VAV3: variants seen among roughly 807,000 people sequenced by gnomAD.
The protein encoded by VAV3 is vav guanine nucleotide exchange factor 3, also known as guanine nucleotide exchange factor VAV3.
VAV3 carries 94 observed loss-of-function variants against 131.2 expected under a neutral mutation model. That is an observed-to-expected ratio of 0.72 (90% confidence interval 0.61 to 0.85). VAV3 has a LOEUF of 0.85. Ranked by LOEUF, VAV3 falls within the 40% of genes least tolerant of loss-of-function variation. The pLI is 0.00. For missense variants in VAV3, 939 were observed against 1,002.7 expected, an observed-to-expected ratio of 0.94 and a Z score of 0.86; for synonymous variants, 349 against 342.0, an observed-to-expected ratio of 1.02 and a Z score of -0.22.
chr1:107,912,561 C>A (rs1207821229), intron 1 of VAV3, among the ~76,000 whole-genome samples: 1 of 152,198 alleles, frequency 6.6e-6, no homozygotes, highest in African/African-American at 2.4e-5. Flanking sequence ...AGCCTGAGAT[C>A]CGATTTCCCA....
chr1:107,760,755 C>CT, intron 10 of VAV3, 29 bp downstream of exon 10: 1 of 1,528,492 alleles, frequency 6.5e-7, no homozygotes, highest in Non-Finnish European at 9.0e-7. Context: ...AATAAATGGA[C>CT]AATAAATAAA....
Position 107,664,734 on chromosome 1 carries a change from T to C in VAV3, c.1777+18754A>G, listed in dbSNP as rs138853204. 1.9e-4 allele frequency among the ~76,000 whole-genome samples: 29 copies of C among 152,238 alleles called. No individual in the cohort carries two copies. The East Asian group carries it at 5.2e-3, about 27-fold the overall frequency. On this transcript the variant is annotated intron_variant, in intron 19 of 26. Transcript: ENST00000370056. Reference sequence around the variant, plus strand: ...AAAAAATACTATAGCAATGTTGTCATGGGAGAGGGACCCACAATGCACACC... The same window carrying C: ...AAAAAATACTATAGCAATGTTGTCACGGGAGAGGGACCCACAATGCACACC...
At chr1:107,876,462 G>T (rs564564919) in intron 1 of VAV3, among the ~76,000 whole-genome samples, 2 of 152,224 alleles carry the variant, frequency 1.3e-5, no homozygotes, top group African/African-American at 4.8e-5. Flanking sequence ...TGTTTTGATG[G>T]GAATAACCTG....
intron 15 of VAV3, among the ~76,000 whole-genome samples, chr1:107,727,296 A>G (rs1208764155): frequency 3.3e-5 from 5 of 152,198 alleles, no homozygotes; most frequent in Non-Finnish European, 7.3e-5. Flanking sequence ...CTCCACTAAA[A>G]TGTCTTTTCC....
At chr1:107,707,471 C>T (rs1189849544) in intron 15 of VAV3, among the ~76,000 whole-genome samples, 2 of 152,142 alleles carry the variant, frequency 1.3e-5, no homozygotes, top group Admixed American at 6.6e-5. Context: ...GGTGTTCAAT[C>T]AATGTTGGCT....
At position 107,657,622 on chromosome 1, in the gene VAV3, A is replaced by G. The variant is rs192232956; in HGVS notation, c.1778-14867T>C. ...ACTTTGGACGTATTACTTCTGATCT[A>G]GCATGACACTACCACAGAGGTCAAC... On this transcript the variant is annotated intron_variant, in intron 19 of 26. Coordinates refer to ENST00000370056, the MANE Select transcript of VAV3 (RefSeq NM_006113.5). 6.0e-4 allele frequency among the ~76,000 whole-genome samples: 92 copies of G among 152,336 alleles called. 3 individuals are homozygous for G. Among genetic ancestry groups the G allele is most frequent in the Admixed American group, 3.9e-3 (59 of 15,300 alleles).
At chr1:107,600,990 G>A (rs1053380088) in intron 24 of VAV3, among the ~76,000 whole-genome samples, 1 of 152,190 alleles carries the variant, frequency 6.6e-6, no homozygotes, top group African/African-American at 2.4e-5. Flanking sequence ...ATCCAAGGAA[G>A]TTCTGCAGGT....
At chr1:107,773,885 TG>T (rs1489954002) in intron 4 of VAV3, among the ~76,000 whole-genome samples, 1 of 152,120 alleles carries the variant, frequency 6.6e-6, no homozygotes, top group African/African-American at 2.4e-5. Flanking sequence ...GGATCCTGTT[TG>T]GAAGCAAAAT....
chr1:107,597,701 T>C (rs1651502602), intron 24 of VAV3, among the ~76,000 whole-genome samples: 1 of 152,196 alleles, frequency 6.6e-6, no homozygotes, highest in African/African-American at 2.4e-5. Flanking sequence ...CCACCTTTCA[T>C]AAGCTAAAAG....
At chr1:107,626,813 G>A (rs772599068) in intron 20 of VAV3, among the ~76,000 whole-genome samples, 10 of 152,144 alleles carry the variant, frequency 6.6e-5, no homozygotes, top group Non-Finnish European at 1.0e-4. Flanking sequence ...TGAGTCTTTT[G>A]GTGTCCGGAA....
chr1:107,698,283 C>T (rs568058683), intron 17 of VAV3, among the ~76,000 whole-genome samples: 1 of 152,242 alleles, frequency 6.6e-6, no homozygotes, highest in East Asian at 1.9e-4. Context: ...TTGATATTTT[C>T]CCGGGCGAGC....
chr1:107,682,055 CA>C (rs1658673851), intron 19 of VAV3, among the ~76,000 whole-genome samples: 1 of 151,980 alleles, frequency 6.6e-6, no homozygotes, highest in Admixed American at 6.6e-5. Context: ...AAAAACAAAA[CA>C]AAAAAACTGT....
rs148990927 is a variant in VAV3, at chr1:107,738,097, T to C, written c.1502+10871A>G. On this transcript the variant is annotated intron_variant, in intron 15 of 26. Coordinates refer to ENST00000370056, the MANE Select transcript of VAV3 (RefSeq NM_006113.5). ...TGGAGCCATCATTCTGAGCAAACTA[T>C]TGCAAGGACAGAACACCAAACACCG... is the stretch of plus-strand genomic sequence containing the variant. Among the ~76,000 whole-genome samples, 1,375 of 152,188 alleles carry C rather than the reference T, an allele frequency of 9.0e-3. 25 individuals carry two copies. The highest frequency in any genetic ancestry group is 0.032 in the African/African-American group (1,318 of 41,524).
intron 25 of VAV3, among the ~76,000 whole-genome samples, chr1:107,595,057 T>A (rs188679905): frequency 6.6e-6 from 1 of 152,276 alleles, no homozygotes; most frequent in Admixed American, 6.5e-5. Context: ...CATTTTTGAA[T>A]GAGCAAAAAT....
intron 25 of VAV3, among the ~76,000 whole-genome samples, chr1:107,585,243 T>C (rs1650391969): frequency 6.6e-6 from 1 of 152,202 alleles, no homozygotes; most frequent in Non-Finnish European, 1.5e-5. Flanking sequence ...ACCCTCAAAA[T>C]ATAAATATAG....
chr1:107,839,661 G>A (rs1025077074), intron 2 of VAV3, among the ~76,000 whole-genome samples: 4 of 151,942 alleles, frequency 2.6e-5, no homozygotes, highest in African/African-American at 9.7e-5. Context: ...CAGAATAAAA[G>A]AAATACTAAA....
intron 21 of VAV3, 139 bp downstream of exon 21, chr1:107,617,428 T>C: frequency 2.9e-6 from 2 of 677,968 alleles, no homozygotes; most frequent in South Asian, 6.6e-5. Context: ...TATAATGATG[T>C]TGAAAATAAT....
intron 17 of VAV3, among the ~76,000 whole-genome samples, chr1:107,701,626 T>C (rs1278477798): frequency 2.0e-5 from 3 of 152,240 alleles, no homozygotes; most frequent in African/African-American, 7.2e-5. Context: ...GGTTTTTCTT[T>C]TCTATCGCAT....
rs537245593 is a variant in VAV3, at chr1:107,950,633, G to A, written c.204+14033C>T. 8.2e-4 allele frequency among the ~76,000 whole-genome samples: 125 copies of A among 152,292 alleles called. 1 individual carries two copies. Among genetic ancestry groups the A allele is most frequent in the African/African-American group, 2.9e-3 (122 of 41,544 alleles). On this transcript the variant is annotated intron_variant, in intron 1 of 26. Transcript: ENST00000370056. ...TCTCCAACAGCTCTCTGCTGCTCACGGGCAAGGGCAGCAAAGCCTGAGAAG... is the reference window on the plus strand; with the variant it reads ...TCTCCAACAGCTCTCTGCTGCTCACAGGCAAGGGCAGCAAAGCCTGAGAAG...
Sources: gnomAD v4.1 joint callset for allele counts (sites outside exome capture counted in the v4.1 genomes callset) on GRCh38, gnomAD v4.1.1 for gene constraint, MANE v1.5 for transcripts, NCBI Gene and HGNC (gene_info 2026-07-23, HGNC 2026-07-21) for gene names.